GNB1: variants seen among roughly 807,000 people sequenced by gnomAD.
GNB1 encodes the protein guanine nucleotide-binding protein G(I)/G(S)/G(T) subunit beta-1.
GNB1 carries 2 observed loss-of-function variants against 42.9 expected under a neutral mutation model. That is an observed-to-expected ratio of 0.05 (90% CI 0.02 to 0.15). GNB1 has a LOEUF of 0.15. Ranked by LOEUF, GNB1 falls within the 10% of genes least tolerant of loss-of-function variation. GNB1 has a pLI of 1.00. For missense variants in GNB1, 193 were observed against 462.2 expected (o/e 0.42, Z 5.34); for synonymous variants, 183 against 174.7 (o/e 1.05, Z -0.38).
intron 2 of GNB1, among the ~76,000 whole-genome samples, chr1:1,827,150 C>T (rs372330133): frequency 2.0e-5 from 3 of 152,294 alleles, no homozygotes; most frequent in African/African-American, 7.2e-5. Context: ...GGAAACTATC[C>T]GATGACCTAA....
At chr1:1,848,303 C>A (rs999169528) in intron 1 of GNB1, among the ~76,000 whole-genome samples, 1 of 149,448 alleles carries the variant, frequency 6.7e-6, no homozygotes, top group African/African-American at 2.5e-5. Flanking sequence ...CGCTTGAACC[C>A]AGGAGGCGGA....
intron 5 of GNB1, among the ~76,000 whole-genome samples, chr1:1,808,192 C>T (rs753338186): frequency 5.9e-5 from 9 of 151,882 alleles, no homozygotes; most frequent in Non-Finnish European, 8.8e-5. Context: ...TTAGTAGAGA[C>T]GGGGTTTCTC....
rs376192539 is a variant in GNB1, at chr1:1,797,267, T to C, written c.431-3956A>G. Among the ~76,000 whole-genome samples, 16 of 152,276 alleles carry C rather than the reference T, an allele frequency of 1.1e-4. 1 individual carries two copies. Among genetic ancestry groups the C allele is most frequent in the East Asian group, 3.9e-4 (2 of 5,190 alleles). ...ATGTCTCACAATAGGAACAAATTAG[T>C]GCACCACACCATGAAACTCTCTACA... On this transcript the variant is annotated intron_variant, in intron 7 of 11. Transcript: ENST00000378609.
intron 1 of GNB1, among the ~76,000 whole-genome samples, chr1:1,860,056 T>TA (rs201036120): frequency 5.5e-4 from 83 of 150,556 alleles, no homozygotes; most frequent in South Asian, 2.5e-3. Flanking sequence ...TAAAGTATAA[T>TA]AAAAAAAAAG....
At chr1:1,820,520 T>C (rs1269044141) in intron 3 of GNB1, among the ~76,000 whole-genome samples, 1 of 152,030 alleles carries the variant, frequency 6.6e-6, no homozygotes, top group Non-Finnish European at 1.5e-5. Context: ...GCAGTAACAT[T>C]TGGAGTAAGG....
At chr1:1,808,149 C>A (rs764407848) in intron 5 of GNB1, among the ~76,000 whole-genome samples, 2 of 152,048 alleles carry the variant, frequency 1.3e-5, no homozygotes, top group African/African-American at 2.4e-5. Flanking sequence ...GGATTACAGA[C>A]ACGCGCCACC....
chr1:1,798,896 T>G (rs1646583203), intron 7 of GNB1, among the ~76,000 whole-genome samples: 1 of 149,866 alleles, frequency 6.7e-6, no homozygotes, highest in African/African-American at 2.4e-5. Context: ...GAGGCGGGTC[T>G]CCCTATGTCA....
At chr1:1,867,216 G>A (rs1043362137) in intron 1 of GNB1, among the ~76,000 whole-genome samples, 7 of 152,124 alleles carry the variant, frequency 4.6e-5, no homozygotes, top group Admixed American at 3.9e-4. Context: ...GCAGTGAGCC[G>A]AGATCAGGCC....
chr1:1,800,582 A>G (rs370384704), intron 7 of GNB1, among the ~76,000 whole-genome samples: 26 of 152,200 alleles, frequency 1.7e-4, no homozygotes, highest in African/African-American at 6.0e-4. Context: ...ATTGCAGCAC[A>G]GAGGGGCAGG....
intron 5 of GNB1, among the ~76,000 whole-genome samples, chr1:1,812,438 C>A (rs1646795441): frequency 6.6e-6 from 1 of 151,670 alleles, no homozygotes; most frequent in African/African-American, 2.4e-5. Flanking sequence ...ACCCTCCCCC[C>A]AAAAAACCTC....
intron 1 of GNB1, among the ~76,000 whole-genome samples, chr1:1,855,177 T>C (rs1368406571): frequency 7.2e-6 from 1 of 138,256 alleles, no homozygotes; most frequent in African/African-American, 2.7e-5. Flanking sequence ...AAAAAACAGC[T>C]GAGTGTGGTG....
intron 5 of GNB1, among the ~76,000 whole-genome samples, chr1:1,814,814 A>AG (rs1328280649): frequency 9.7e-5 from 14 of 144,452 alleles, no homozygotes; most frequent in East Asian, 2.0e-4. Flanking sequence ...AAAAAAAAAA[A>AG]AAAAAAGAAA....
chr1:1,890,946 C>G lies in GNB1; in HGVS notation c.-222G>C, dbSNP rs1455761117. ...CGGGCAGGTGCGCGCCGGCGAGGCT[C>G]GGTCCAGTCCCGCCGCGGCGGCTGC... On this transcript the variant is annotated 5_prime_UTR_variant, in exon 1 of 12. Coordinates refer to ENST00000378609, the MANE Select transcript of GNB1 (RefSeq NM_002074.5). The G allele has an allele frequency of 6.8e-6, 1 of 147,526 alleles. No homozygotes were observed. Among genetic ancestry groups the G allele is most frequent in the Non-Finnish European group, 1.5e-5 (1 of 65,944 alleles). 9.1% of individuals were successfully genotyped at this position (147,526 alleles called of 1,614,324 possible).
chr1:1,793,383 C>T, intron 7 of GNB1, 72 bp from the exon 8 acceptor site: 1 of 981,252 alleles, frequency 1.0e-6, no homozygotes, highest in Non-Finnish European at 1.6e-6. Context: ...CATAGAGAAA[C>T]ACATTGGCCC....
intron 3 of GNB1, among the ~76,000 whole-genome samples, chr1:1,822,374 C>T (rs1450601710): frequency 2.6e-5 from 4 of 151,512 alleles, no homozygotes; most frequent in African/African-American, 9.7e-5. Context: ...CGCGCTCTCG[C>T]CTCACTGCAA....
At chr1:1,888,052 T>C (rs919188163) in intron 1 of GNB1, among the ~76,000 whole-genome samples, 1 of 152,180 alleles carries the variant, frequency 6.6e-6, no homozygotes, top group African/African-American at 2.4e-5. Context: ...TAACTGAAGA[T>C]ATCAAAGAAA....
rs114856941 is a variant in GNB1, at chr1:1,852,156, C to T, written c.-95-12918G>A. Among the ~76,000 whole-genome samples the T allele has an allele frequency of 8.4e-3, 1,282 of 152,134 alleles. 22 individuals carry two copies. The highest frequency in any genetic ancestry group is 0.03 in the African/African-American group (1,225 of 41,494). On this transcript the variant is annotated intron_variant, in intron 1 of 11. Transcript: ENST00000378609. ...GTTAGGAGCCAGGCGTGGTGGCTCA[C>T]GCCTGTAATACCAGGGGGCGATCAC...
At chr1:1,811,714 T>C (rs1646782026) in intron 5 of GNB1, among the ~76,000 whole-genome samples, 1 of 148,016 alleles carries the variant, frequency 6.8e-6, no homozygotes, top group Non-Finnish European at 1.5e-5. Context: ...AAAGACAAAT[T>C]AGTAGTCATT....
intron 1 of GNB1, among the ~76,000 whole-genome samples, chr1:1,843,433 C>T (rs1003007485): frequency 2.6e-5 from 4 of 152,030 alleles, no homozygotes; most frequent in African/African-American, 9.7e-5. Flanking sequence ...TGCCATACTG[C>T]GCAGGCTGGT....
Sources: gnomAD v4.1 joint callset for allele counts (sites outside exome capture counted in the v4.1 genomes callset) on GRCh38, gnomAD v4.1.1 for gene constraint, MANE v1.5 for transcripts, NCBI Gene and HGNC (gene_info 2026-07-23, HGNC 2026-07-21) for gene names.